The following MYO9B variants were observed in gnomAD, a reference collection of about 807,000 sequenced individuals.
MYO9B encodes the protein myosin IXB.
In MYO9B, 71 loss-of-function variants were observed where a neutral mutation model predicts 229.5. The ratio of observed to expected loss-of-function variants is 0.31; its 90% CI spans 0.26 to 0.38. The LOEUF is 0.38. Ranked by LOEUF, MYO9B falls within the 10% of genes least tolerant of loss-of-function variation. The probability of loss-of-function intolerance (pLI) is 1.00; values close to 1 mark genes in which losing one functional copy is unlikely to be tolerated. For missense variants in MYO9B, 2,255 were observed against 2,920.5 expected (o/e 0.77, Z 5.25); for synonymous variants, 1,185 against 1,235.8 (o/e 0.96, Z 0.86).
At chr19:17,205,752 A>G (rs1405908045) in intron 31 of MYO9B, among the ~76,000 whole-genome samples, 2 of 152,140 alleles carry the variant, frequency 1.3e-5, no homozygotes, top group Non-Finnish European at 2.9e-5. Context: ...GTGGCCTACA[A>G]AGGAAGCCCC....
At chr19:17,165,452 A>C (rs897469899) in intron 10 of MYO9B, among the ~76,000 whole-genome samples, 8 of 151,964 alleles carry the variant, frequency 5.3e-5, no homozygotes, top group Non-Finnish European at 1.2e-4. Flanking sequence ...GCTCATGCTA[A>C]CAATACCAGT....
intron 18 of MYO9B, among the ~76,000 whole-genome samples, chr19:17,186,387 G>A (rs796719452): frequency 2.0e-5 from 3 of 152,232 alleles, no homozygotes; most frequent in Non-Finnish European, 4.4e-5. Flanking sequence ...TGGAGCCCCC[G>A]TGGGACCACC....
intron 13 of MYO9B, among the ~76,000 whole-genome samples, chr19:17,174,202 T>C (rs533160646): frequency 3.3e-5 from 5 of 152,126 alleles, no homozygotes; most frequent in Admixed American, 3.3e-4. Context: ...GCTAATTGTT[T>C]TGTATTTTTT....
At position 17,172,660 on chromosome 19, in the gene MYO9B, C is replaced by A; in HGVS notation, c.1936-99C>A. ...CTGCCATTTGCACTTAGGATGGGCC[C>A]CACCCCACCGTCAGCCCTTCCTGCG... On this transcript the variant is annotated intron_variant, in intron 12 of 39. Transcript: ENST00000682292. The surrounding 1 kb of genome is among the most constrained non-coding windows in gnomAD (Gnocchi z 8.2). The A allele has an allele frequency of 6.7e-7, 1 of 1,501,722 alleles. No individual in the cohort carries two copies. Among genetic ancestry groups the A allele is most frequent in the Non-Finnish European group, 9.2e-7 (1 of 1,088,766 alleles). The allele number at this position is 1,501,722 out of a possible 1,614,324, so 93.0% of individuals were successfully genotyped here.
chr19:17,129,489 C>A (rs974583827), intron 2 of MYO9B, among the ~76,000 whole-genome samples: 1 of 152,170 alleles, frequency 6.6e-6, no homozygotes, highest in Non-Finnish European at 1.5e-5. Flanking sequence ...CAGGGAGGCT[C>A]CCAGAGGCCA....
chr19:17,112,507 G>C lies in MYO9B; in HGVS notation c.840+9950G>C, dbSNP rs112437415. On this transcript the variant is annotated intron_variant, in intron 2 of 39. Transcript: ENST00000682292. Reference sequence around the variant, plus strand: ...CGTTTGCACGTGGCTTCCCAAGTGCGACAGAGAGGGAGTCCTGGGAGCAAC... The same window carrying C: ...CGTTTGCACGTGGCTTCCCAAGTGCCACAGAGAGGGAGTCCTGGGAGCAAC... Among the ~76,000 whole-genome samples the C allele has an allele frequency of 8.5e-4, 130 of 152,332 alleles. 2 individuals carry two copies. Among genetic ancestry groups the C allele is most frequent in the African/African-American group, 3.0e-3 (125 of 41,574 alleles).
At chr19:17,118,551 G>A (rs2057930041) in intron 2 of MYO9B, among the ~76,000 whole-genome samples, 1 of 151,776 alleles carries the variant, frequency 6.6e-6, no homozygotes, top group Non-Finnish European at 1.5e-5. Context: ...GTGCGATCTT[G>A]GCTCACTAAA....
chr19:17,167,157 G>C (rs978011461), intron 10 of MYO9B, among the ~76,000 whole-genome samples: 4 of 149,356 alleles, frequency 2.7e-5, no homozygotes, highest in African/African-American at 9.9e-5. Context: ...AATGAGCGTT[G>C]TCTTTGAGCA....
intron 26 of MYO9B, 145 bp downstream of exon 26, chr19:17,200,974 CAT>C (rs1273670698): frequency 4.2e-6 from 4 of 956,478 alleles, no homozygotes; most frequent in Non-Finnish European, 4.7e-6. Context: ...GACAGTGGTT[CAT>C]GTTTGTCATC....
chr19:17,118,995 C>A (rs924743959), intron 2 of MYO9B, among the ~76,000 whole-genome samples: 2 of 152,122 alleles, frequency 1.3e-5, no homozygotes, highest in African/African-American at 4.8e-5. Context: ...TTCTCGGCAC[C>A]TCTCACCTCT....
At chr19:17,133,783 G>A (rs1007982643) in intron 2 of MYO9B, among the ~76,000 whole-genome samples, 2 of 142,110 alleles carry the variant, frequency 1.4e-5, no homozygotes, top group East Asian at 2.2e-4. Flanking sequence ...TTTCTGAGGC[G>A]GAGGTCTCGC....
chr19:17,205,535 C>CTG (rs779800208), intron 31 of MYO9B, among the ~76,000 whole-genome samples, 199 bp downstream of exon 31: 3 of 152,156 alleles, frequency 2.0e-5, no homozygotes, highest in African/African-American at 7.2e-5. Flanking sequence ...GGGCCCAGGC[C>CTG]TGTGTGTGTG....
intron 32 of MYO9B, 37 bp from the exon 33 acceptor site, chr19:17,206,211 T>C: frequency 6.3e-7 from 1 of 1,591,742 alleles, no homozygotes. Flanking sequence ...GTCCTGCCAG[T>C]GCGCCGCTCA....
intron 2 of MYO9B, among the ~76,000 whole-genome samples, chr19:17,120,087 A>C (rs553913629): frequency 1.3e-4 from 20 of 151,712 alleles, no homozygotes; most frequent in African/African-American, 4.6e-4. Flanking sequence ...TTGCAGGCCC[A>C]TGATATGTCA....
intron 3 of MYO9B, among the ~76,000 whole-genome samples, chr19:17,150,511 G>C (rs1455713908): frequency 2.6e-5 from 4 of 152,176 alleles, no homozygotes; most frequent in Non-Finnish European, 5.9e-5. Context: ...TTGGGCACCA[G>C]CTGTGTCTCC....
intron 10 of MYO9B, among the ~76,000 whole-genome samples, chr19:17,166,045 A>AT (rs796336258): frequency 7.4e-4 from 108 of 146,434 alleles, no homozygotes; most frequent in African/African-American, 8.2e-4. Flanking sequence ...TTTAAGTGTG[A>AT]TTTTTTTTTT....
chr19:17,076,478 A>AG (rs2123404322), intron 1 of MYO9B, among the ~76,000 whole-genome samples: 1 of 152,068 alleles, frequency 6.6e-6, no homozygotes, highest in African/African-American at 2.4e-5. Flanking sequence ...GTAAGAACTG[A>AG]GGGTAGGCTT....
chr19:17,210,006 G>C (rs2073208031), intron 36 of MYO9B, among the ~76,000 whole-genome samples: 1 of 152,324 alleles, frequency 6.6e-6, no homozygotes, highest in East Asian at 1.9e-4. Flanking sequence ...TTACTGCCTT[G>C]AACGAAAGAC....
intron 37 of MYO9B, 41 bp from the exon 38 acceptor site, chr19:17,210,674 A>G (rs1205226649): frequency 1.3e-6 from 2 of 1,498,676 alleles, no homozygotes; most frequent in African/African-American, 2.8e-5. Context: ...AACCTCGCCC[A>G]CTCAGAGATG....
Sources: allele counts gnomAD v4.1 joint callset (sites outside exome capture counted in the v4.1 genomes callset), GRCh38; gene constraint gnomAD v4.1.1; non-coding constraint Gnocchi (gnomAD v3.1); transcripts MANE v1.5; gene names NCBI Gene and HGNC (gene_info 2026-07-23, HGNC 2026-07-21).